SNX21: variants seen among roughly 807,000 people sequenced by gnomAD.
SNX21 encodes sorting nexin-21.
In SNX21, 36 loss-of-function variants were observed where a neutral mutation model predicts 30.9. The observed-to-expected ratio is 1.16, with a 90% CI of 0.89 to 1.54. The LOEUF is 1.54. Among genes scored for constraint, SNX21 ranks in the 40% most tolerant of loss-of-function variants. SNX21 has a pLI of 0.00. For synonymous variants in SNX21, 218 were observed against 222.7 expected (o/e 0.98, Z 0.19); for missense variants, 508 against 516.5 (o/e 0.98, Z 0.16).
intron 2 of SNX21, 126 bp downstream of exon 2, chr20:45,834,594 G>C (rs1983352067): frequency 2.4e-6 from 3 of 1,267,138 alleles, no homozygotes; most frequent in Non-Finnish European, 3.2e-6. Context: ...TAAAGCGCCT[G>C]GGCCACCTCT....
chr20:45,837,760 T>G lies in SNX21; in HGVS notation c.447+2644T>G, dbSNP rs1361910716. 2.0e-5 allele frequency among the ~76,000 whole-genome samples: 3 copies of G among 152,168 alleles called. No homozygotes were observed. The East Asian group carries it at 5.8e-4, about 29-fold the overall frequency. On this transcript the variant is annotated intron_variant, in intron 3 of 3. Transcript: ENST00000491381. ...CATTTTTCTTTAAATGAACCTATTT[T>G]TTTTTCTTTATCTTTTTTTTTTTCT...
rs537047806 is a variant in SNX21 at position 45,843,119 on chromosome 20, C to A, written c.*1806C>A. ...TGAGTGAGAATCTTGAGGGTGGAAT[C>A]AGAATCTATTTTGAAAAGGCATCCC... On this transcript the variant is annotated 3_prime_UTR_variant, in exon 4 of 4. Coordinates refer to ENST00000491381, the MANE Select transcript of SNX21 (RefSeq NM_033421.4). 2.4e-4 allele frequency: 248 copies of A among 1,040,152 alleles called. No homozygotes were observed. The African/African-American group carries it at 3.9e-3, about 16-fold the overall frequency. 64.4% of individuals were successfully genotyped at this position (1,040,152 alleles called of 1,614,324 possible).
Position 45,841,040 on chromosome 20 carries a change from G to T in SNX21, c.849G>T (p.Leu283=). The T allele has an allele frequency of 5.0e-6, 8 of 1,609,458 alleles. No individual in the cohort carries two copies. Among genetic ancestry groups the T allele is most frequent in the Non-Finnish European group, 6.8e-6 (8 of 1,179,126 alleles). Residue 283 remains leucine, a synonymous_variant, in exon 4 of 4, where the codon CTG becomes CTT. Coordinates refer to ENST00000491381, the MANE Select transcript of SNX21 (RefSeq NM_033421.4). ...CCCCCTCTGGCCCAGACCGCCCCCT[G>T]CTGACCCTGGCTGGGCTGGCCGTGT... ...LGTPSGPDRP[L]LTLAGLAVCH...
Position 45,841,092 on chromosome 20 carries a change from G to A in SNX21, c.901G>A (p.Glu301Lys), listed in dbSNP as rs1984064184. ...CCACCAGGAGCTGGAAGACCCTGGA[G>A]AGGCCCGGGCATGCTGTGAGAAGGC... ...VCHQELEDPGEARACCEKALQ... is the reference protein window; with the variant it reads ...VCHQELEDPGKARACCEKALQ... The change falls in exon 4 of 4, where the codon GAG becomes AAG. Residue 301 changes from glutamate to lysine, a missense_variant. By Grantham distance (56) the Glu-to-Lys change is moderately conservative (BLOSUM62 1). Transcript: ENST00000491381. 6.2e-7 allele frequency: 1 copy of A among 1,609,822 alleles called. No homozygotes were observed. The highest frequency in any genetic ancestry group is 1.3e-5 in the African/African-American group (1 of 74,992).
chr20:45,834,575 C>T (rs1983349760), intron 2 of SNX21, 107 bp downstream of exon 2: 1 of 1,384,478 alleles, frequency 7.2e-7, no homozygotes, highest in Non-Finnish European at 9.5e-7. Context: ...CTGAAACTCC[C>T]ACACTTCTTA....
Position 45,840,927 on chromosome 20 carries a change from C to T in SNX21, c.736C>T (p.Arg246Trp), listed in dbSNP as rs563427177. The T allele has an allele frequency of 9.9e-6, 16 of 1,611,774 alleles. No homozygotes were observed. Among genetic ancestry groups the T allele is most frequent in the East Asian group, 6.7e-5 (3 of 44,856 alleles). The change falls in exon 4 of 4, where the codon CGG (arginine) becomes TGG (tryptophan). Residue 246 changes from arginine (R) to tryptophan (W), a missense_variant. By Grantham distance (101) the Arg-to-Trp change is moderately radical. Transcript: ENST00000491381. ...QDFFVLPELRRAQSLTCTGLY... is the reference protein window; with the variant it reads ...QDFFVLPELRWAQSLTCTGLY... ...CTTCTTCGTGCTGCCGGAGCTGCGG[C>T]GGGCACAGAGCCTCACCTGTACTGG...
At chr20:45,840,545 A>C (rs1220075314) in intron 3 of SNX21, 94 bp from the exon 4 acceptor site, 73 of 1,587,424 alleles carry the variant, frequency 4.6e-5, no homozygotes, top group Non-Finnish European at 6.2e-5. Flanking sequence ...AGAGGTGGGG[A>C]GGTACAGCTG....
chr20:45,833,879 G>C lies in SNX21; in HGVS notation c.-41G>C. ...ACCCGGCCGACCTCCATGGGCTGCG[G>C]GGGGCTGCACCCGGACCCCTGGGGC... On this transcript the variant is annotated 5_prime_UTR_variant, in exon 1 of 4. Transcript: ENST00000491381. 2 of 1,340,702 alleles carry C rather than the reference G, an allele frequency of 1.5e-6. No individual in the cohort carries two copies. The highest frequency in any genetic ancestry group is 1.9e-6 in the Non-Finnish European group (2 of 1,044,556). 83.1% of individuals were successfully genotyped at this position (1,340,702 alleles called of 1,614,324 possible). A position where few individuals can be genotyped will look rare whatever the true frequency, so the allele number is the denominator to read the frequency against.
At chr20:45,834,025 TGGG>T (rs1212362535) in intron 1 of SNX21, 85 bp downstream of exon 1, 95 of 1,423,470 alleles carry the variant, frequency 6.7e-5, no homozygotes, top group Non-Finnish European at 6.8e-5. Flanking sequence ...CTGAGTGGGT[TGGG>T]GGGAAAGCGA....
intron 2 of SNX21, chr20:45,834,670 G>A: frequency 1.4e-6 from 1 of 718,452 alleles, no homozygotes; most frequent in Admixed American, 3.0e-5. Flanking sequence ...TGTCAAGTGG[G>A]AGAACTCACT....
chr20:45,842,574 ACT>A lies in SNX21; in HGVS notation c.*1264_*1265del, dbSNP rs1418422743. The A allele has an allele frequency of 6.0e-6, 6 of 994,418 alleles. No individual in the cohort carries two copies. Among genetic ancestry groups the A allele is most frequent in the South Asian group, 4.5e-5 (1 of 22,194 alleles). The allele number at this position is 994,418 out of a possible 1,614,324, so 61.6% of individuals were successfully genotyped here. A position where few individuals can be genotyped will look rare whatever the true frequency, so the allele number is the denominator to read the frequency against. On this transcript the variant is annotated 3_prime_UTR_variant, in exon 4 of 4. Transcript: ENST00000491381. The stretch of plus-strand genomic sequence containing the variant: ...TGGCCTCTTCCCTCCCCATCTGGAG[ACT>A]CTTTCTCCCTTGCTGGCTTTGGGCC...
chr20:45,839,487 G>A (rs1983845055), intron 3 of SNX21, among the ~76,000 whole-genome samples: 1 of 151,646 alleles, frequency 6.6e-6, no homozygotes, highest in Admixed American at 6.6e-5. Flanking sequence ...CTGTACTCCA[G>A]CACTCCAGCC....
chr20:45,840,379 C>A (rs1983950597), intron 3 of SNX21: 7 of 1,613,912 alleles, frequency 4.3e-6, no homozygotes. Context: ...AAAGGGGCAG[C>A]AGCCCCGGGC....
chr20:45,835,080 C>T lies in SNX21; in HGVS notation c.411C>T (p.Ser137=), dbSNP rs1447552905. The T allele has an allele frequency of 2.5e-6, 4 of 1,614,102 alleles. No homozygotes were observed. The highest frequency in any genetic ancestry group is 2.2e-5 in the South Asian group (2 of 91,088). The change falls in exon 3 of 4, where the codon AGC becomes AGT. Residue 137 remains serine, a synonymous_variant. Coordinates refer to ENST00000491381, the MANE Select transcript of SNX21 (RefSeq NM_033421.4). ...AGCGGCTGCTCTTCGAAGTGACCAG[C>T]GCTAACGTTGTCAAGGACCCGCCCT... ...APQRLLFEVT[S]ANVVKDPPSK...
chr20:45,836,157 C>A (rs1983506999), intron 3 of SNX21, among the ~76,000 whole-genome samples: 1 of 152,168 alleles, frequency 6.6e-6, no homozygotes, highest in Non-Finnish European at 1.5e-5. Context: ...CATGGGGTGA[C>A]TACTCCAATT....
rs754841036 is a variant in SNX21 at position 45,841,155 on chromosome 20, C to T, written c.964C>T (p.Leu322=). The part of the protein sequence containing the change: ...LLGDKSLHPL[L]APFLEAHVRL... ...TGGGGACAAGAGCCTCCACCCTTTG[C>T]TGGCACCCTTTCTGGAGGCCCATGT... Residue 322 remains leucine (L), a synonymous_variant, in exon 4 of 4, where the codon CTG becomes TTG. Coordinates refer to ENST00000491381, the MANE Select transcript of SNX21 (RefSeq NM_033421.4). 3.7e-6 allele frequency: 6 copies of T among 1,613,644 alleles called. No homozygotes were observed. Among genetic ancestry groups the T allele is most frequent in the Non-Finnish European group, 5.1e-6 (6 of 1,179,910 alleles).
At position 45,841,635 on chromosome 20, in the gene SNX21, G is replaced by T. The variant is rs1984135366; in HGVS notation, c.*322G>T. On this transcript the variant is annotated 3_prime_UTR_variant, in exon 4 of 4. Transcript: ENST00000491381. ...AGCTGGCAAGGCCTCTTGGCTGAAG[G>T]CCAGGGACTCTGCCCCTGGAGTCCT... is the stretch of plus-strand genomic sequence containing the variant. The T allele has an allele frequency of 2.8e-6, 4 of 1,413,236 alleles. No homozygotes were observed. The highest frequency in any genetic ancestry group is 1.4e-5 in the African/African-American group (1 of 69,388). The allele number at this position is 1,413,236 out of a possible 1,614,324, so 87.5% of individuals were successfully genotyped here. A position where few individuals can be genotyped will look rare whatever the true frequency, so the allele number is the denominator to read the frequency against.
At chr20:45,834,166 G>A in intron 1 of SNX21, 35 bp from the exon 2 acceptor site, 3 of 1,454,222 alleles carry the variant, frequency 2.1e-6, no homozygotes, top group South Asian at 1.4e-5. Flanking sequence ...CCCCTCCTCC[G>A]GGATCCGGTA....
rs1032011817 is a variant in SNX21 at position 45,842,802 on chromosome 20, G to C, written c.*1489G>C. The C allele has an allele frequency of 1.0e-6, 1 of 990,588 alleles. No individual in the cohort carries two copies. The highest frequency in any genetic ancestry group is 1.7e-5 in the African/African-American group (1 of 57,238). The allele number at this position is 990,588 out of a possible 1,614,324, so 61.4% of individuals were successfully genotyped here. A position where few individuals can be genotyped will look rare whatever the true frequency, so the allele number is the denominator to read the frequency against. On this transcript the variant is annotated 3_prime_UTR_variant, in exon 4 of 4. Transcript: ENST00000491381. ...TCCTCACTTCAAGGTTATCAATCTT[G>C]GATTGTGATGCTATTGGTACTTGAG...
Sources: allele counts gnomAD v4.1 joint callset (sites outside exome capture counted in the v4.1 genomes callset), GRCh38; gene constraint gnomAD v4.1.1; transcripts MANE v1.5; gene names NCBI Gene and HGNC (gene_info 2026-07-23, HGNC 2026-07-21).